TTC24: variants seen among roughly 807,000 people sequenced by gnomAD.
TTC24 encodes the protein tetratricopeptide repeat protein 24.
In TTC24, 54 loss-of-function variants were observed where a neutral mutation model predicts 63.3. The ratio of observed to expected loss-of-function variants is 0.85; its 90% CI spans 0.69 to 1.07. The LOEUF (loss-of-function observed/expected upper bound fraction) is 1.07, where lower values mean the gene tolerates loss of function less well. Ranked by LOEUF, TTC24 falls within the 50% of genes least tolerant of loss-of-function variation. The pLI, the probability that TTC24 is intolerant of heterozygous loss-of-function variation, is 0.00. For missense variants in TTC24, 680 were observed against 730.5 expected, an observed-to-expected ratio of 0.93 and a Z score of 0.80; for synonymous variants, 276 against 304.3, an observed-to-expected ratio of 0.91 and a Z score of 0.97.
Position 156,583,829 on chromosome 1 carries a change from G to A in TTC24, c.1185G>A (p.Val395=), listed in dbSNP as rs367725434. 3.8e-6 allele frequency: 6 copies of A among 1,582,944 alleles called. No homozygotes were observed. In the African/African-American group the frequency reaches 6.8e-5, roughly 18 times the overall value. The change falls in exon 6 of 11, where the codon GTG becomes GTA. Residue 395 remains valine, a synonymous_variant. Coordinates refer to ENST00000368236, the MANE Select transcript of TTC24 (RefSeq NM_001105669.4). This position sits in a 1 kb window ranked among gnomAD's most constrained non-coding sequence, Gnocchi z 4.0. The part of the protein sequence containing the change: ...KEPDSVRERL[V]AKLADTVRTR... ...CAGATTCTGTGCGAGAACGGCTGGT[G>A]GCCAAGCTGGCAGACACCGTGAGGA...
In TTC24 at chr1:156,579,767, T is replaced by C. The variant is rs955951086; in HGVS notation, c.-5+9T>C. 6.6e-6 allele frequency: 1 copy of C among 152,106 alleles called. No homozygotes were observed. Among genetic ancestry groups the C allele is most frequent in the Non-Finnish European group, 1.5e-5 (1 of 68,050 alleles). The allele number at this position is 152,106 out of a possible 1,614,324, so 9.4% of individuals were successfully genotyped here. The stretch of plus-strand genomic sequence containing the variant: ...GGAGAAGACCCAAGGAGGTAAGGTG[T>C]CCTGCAGTGGGGATCCCCACACTGG... On this transcript the variant is annotated intron_variant, in intron 1 of 10. Transcript: ENST00000368236.
chr1:156,585,995 C>A lies in TTC24; in HGVS notation c.1617C>A (p.Pro539=), dbSNP rs573000717. Residue 539 remains proline (P), a synonymous_variant, in exon 10 of 11, where the codon CCC becomes CCA. Transcript: ENST00000368236. Reference sequence around the variant, plus strand: ...TTCCATTTGTAGGTCCAGGCCCTCCCAGAGCGGAGTACCCTAGCATCTTGG... The same window carrying A: ...TTCCATTTGTAGGTCCAGGCCCTCCAAGAGCGGAGTACCCTAGCATCTTGG... ...AHLPFVGPGP[P]RAEYPSILVP... is the part of the protein sequence containing the mutation. 4 of 1,591,238 alleles carry A rather than the reference C, an allele frequency of 2.5e-6. No individual in the cohort carries two copies. In the South Asian group the frequency reaches 4.5e-5, roughly 18 times the overall value.
Position 156,586,928 on chromosome 1 carries a change from A to T in TTC24, c.*378A>T, listed in dbSNP as rs931674408. Among the ~76,000 whole-genome samples the T allele has an allele frequency of 6.6e-6, 1 of 152,198 alleles. No homozygotes were observed. The highest frequency in any genetic ancestry group is 6.5e-5 in the Admixed American group (1 of 15,276). ...CGTCCATTTTTGCACATGAGAAATG[A>T]GGATATAATACTACAGAAGAGGCAT... On this transcript the variant is annotated 3_prime_UTR_variant, in exon 11 of 11. Coordinates refer to ENST00000368236, the MANE Select transcript of TTC24 (RefSeq NM_001105669.4).
chr1:156,584,638 G>A (rs1166950288), intron 6 of TTC24: 2 of 390,674 alleles, frequency 5.1e-6, no homozygotes, highest in African/African-American at 4.1e-5. Context: ...GGCCCCAGAA[G>A]GGATGGGGTG....
chr1:156,583,166 C>A lies in TTC24; in HGVS notation c.1035C>A (p.Asp345Glu). Reference sequence around the variant, plus strand: ...TGCATGCCCTGCAGGCTGCCCGGGACTCTGGTAAGCGTGAGAGGGTTGGGA... The same window carrying A: ...TGCATGCCCTGCAGGCTGCCCGGGAATCTGGTAAGCGTGAGAGGGTTGGGA... ...NYLHALQAARDSGDMKGQWQA... is the reference protein window; with the variant it reads ...NYLHALQAARESGDMKGQWQA... Residue 345 changes from aspartate to glutamate, a missense_variant, in exon 4 of 11, where the codon GAC (aspartate) becomes GAA (glutamate). Physicochemically the swap from Asp to Glu is conservative, Grantham distance 45. Transcript: ENST00000368236. The surrounding 1 kb of genome is among the most constrained non-coding windows in gnomAD (Gnocchi z 4.0). 1 of 1,611,554 alleles carries A rather than the reference C, an allele frequency of 6.2e-7. No homozygotes were observed. Among genetic ancestry groups the A allele is most frequent in the Non-Finnish European group, 8.5e-7 (1 of 1,178,868 alleles).
At position 156,583,005 on chromosome 1, in the gene TTC24, G is replaced by C. The variant is rs1380995559; in HGVS notation, c.911-37G>C. On this transcript the variant is annotated intron_variant, in intron 3 of 10. Coordinates refer to ENST00000368236, the MANE Select transcript of TTC24 (RefSeq NM_001105669.4). The surrounding 1 kb of genome is among the most constrained non-coding windows in gnomAD (Gnocchi z 4.0). ...TGGGGTCCTGATGTCCCAGCAGCCA[G>C]AGTCCCCTCTGAGGATGGGGTGGGC... 1.3e-6 allele frequency: 2 copies of C among 1,579,846 alleles called. No individual in the cohort carries two copies. The highest frequency in any genetic ancestry group is 1.8e-5 in the Admixed American group (1 of 55,286).
chr1:156,586,060 G>T lies in TTC24; in HGVS notation c.1667+15G>T, dbSNP rs1677151521. 1 of 1,526,092 alleles carries T rather than the reference G, an allele frequency of 6.6e-7. No homozygotes were observed. Among genetic ancestry groups the T allele is most frequent in the Non-Finnish European group, 8.9e-7 (1 of 1,120,900 alleles). The allele number at this position is 1,526,092 out of a possible 1,614,324, so 94.5% of individuals were successfully genotyped here. ...CAAGCCAATAGGTGGGTCCTTGGGG[G>T]AAAGAAGGAGGCCTGGAGAATAGCA... On this transcript the variant is annotated intron_variant, in intron 10 of 10. Transcript: ENST00000368236.
At position 156,583,251 on chromosome 1, in the gene TTC24, G is replaced by A; in HGVS notation, c.1039+81G>A. 1 of 1,609,368 alleles carries A rather than the reference G, an allele frequency of 6.2e-7. No homozygotes were observed. Among genetic ancestry groups the A allele is most frequent in the Non-Finnish European group, 8.5e-7 (1 of 1,178,052 alleles). On this transcript the variant is annotated intron_variant, in intron 4 of 10. Transcript: ENST00000368236. The surrounding 1 kb of genome is among the most constrained non-coding windows in gnomAD (Gnocchi z 4.0). Reference sequence around the variant, plus strand: ...GGGGCTGGCGGGGAGGCAGATGGGGGGAACTGAGGGTAGGGAGTGCCTCTG... The same window carrying A: ...GGGGCTGGCGGGGAGGCAGATGGGGAGAACTGAGGGTAGGGAGTGCCTCTG...
chr1:156,584,978 A>T lies in TTC24; in HGVS notation c.1349+4A>T. 6.3e-7 allele frequency: 1 copy of T among 1,588,708 alleles called. No individual in the cohort carries two copies. Among genetic ancestry groups the T allele is most frequent in the Non-Finnish European group, 8.6e-7 (1 of 1,167,488 alleles). On this transcript the variant is annotated splice_donor_region_variant and intron_variant, in intron 7 of 10. Coordinates refer to ENST00000368236, the MANE Select transcript of TTC24 (RefSeq NM_001105669.4). ...GCACAGCAGGTGTCCAGCACAGGTG[A>T]GGGTGGGAATGGTGCAGCAGAGATG...
intron 1 of TTC24, 44 bp downstream of exon 1, chr1:156,579,802 G>C (rs1676945978): frequency 6.6e-6 from 1 of 152,208 alleles, no homozygotes; most frequent in African/African-American, 2.4e-5. Flanking sequence ...GATGGGGGTG[G>C]TCAGGAATGC....
At chr1:156,586,247 G>A (rs1271651608) in intron 10 of TTC24, among the ~76,000 whole-genome samples, 2 of 152,180 alleles carry the variant, frequency 1.3e-5, no homozygotes, top group African/African-American at 2.4e-5. Flanking sequence ...TGGAAGCCCA[G>A]GGTATGCCCT....
At chr1:156,582,953 G>A in intron 3 of TTC24, 89 bp from the exon 4 acceptor site, 1 of 1,498,070 alleles carries the variant, frequency 6.7e-7, no homozygotes, top group Non-Finnish European at 9.0e-7. Flanking sequence ...CAGGCCTCCT[G>A]GGAGGTCTGT....
chr1:156,582,929 C>A, intron 3 of TTC24, 113 bp from the exon 4 acceptor site: 1 of 1,382,026 alleles, frequency 7.2e-7, no homozygotes, highest in African/African-American at 1.4e-5. Flanking sequence ...CTGGAGTGTT[C>A]TGGGGCTGGG....
Position 156,583,999 on chromosome 1 carries a change from G to C in TTC24, c.1251+104G>C. On this transcript the variant is annotated intron_variant, in intron 6 of 10. Coordinates refer to ENST00000368236, the MANE Select transcript of TTC24 (RefSeq NM_001105669.4). This position sits in a 1 kb window ranked among gnomAD's most constrained non-coding sequence, Gnocchi z 4.0. ...TGTTCCCTGGGATGCTGCGCGCTTG[G>C]CCGCTCATCTGTGTTCATCCGCCTT... is the stretch of plus-strand genomic sequence containing the variant. 1.0e-6 allele frequency: 1 copy of C among 963,024 alleles called. No individual in the cohort carries two copies. Among genetic ancestry groups the C allele is most frequent in the Non-Finnish European group, 1.6e-6 (1 of 621,708 alleles). The allele number at this position is 963,024 out of a possible 1,614,324, so 59.7% of individuals were successfully genotyped here. A position where few individuals can be genotyped will look rare whatever the true frequency, so the allele number is the denominator to read the frequency against.
intron 1 of TTC24, 145 bp downstream of exon 1, chr1:156,579,903 C>T (rs1328157896): frequency 6.6e-6 from 1 of 152,130 alleles, no homozygotes. Flanking sequence ...TTTCCTCTGC[C>T]TGCCCCTCCT....
Position 156,584,652 on chromosome 1 carries a change from A to T in TTC24, c.1252-225A>T, listed in dbSNP as rs184180218. On this transcript the variant is annotated intron_variant, in intron 6 of 10. Transcript: ENST00000368236. Reference sequence around the variant, plus strand: ...AGGCCCCAGAAGGGATGGGGTGGTCATCAGGCGCTGGCCAGGTCTGCTAGT... The same window carrying T: ...AGGCCCCAGAAGGGATGGGGTGGTCTTCAGGCGCTGGCCAGGTCTGCTAGT... The T allele has an allele frequency of 2.7e-5, 11 of 400,666 alleles. No individual in the cohort carries two copies. The Admixed American group carries it at 4.7e-4, about 17-fold the overall frequency. 24.8% of individuals were successfully genotyped at this position (400,666 alleles called of 1,614,324 possible).
rs1677202697 is a variant in TTC24, at chr1:156,587,281, A to T, written c.*731A>T. Among the ~76,000 whole-genome samples, 1 of 152,172 alleles carries T rather than the reference A, an allele frequency of 6.6e-6. No individual in the cohort carries two copies. Among genetic ancestry groups the T allele is most frequent in the Non-Finnish European group, 1.5e-5 (1 of 68,048 alleles). The stretch of plus-strand genomic sequence containing the variant: ...TTCTCCTCTAATCCTCACAACAAAT[A>T]TATGAGGTGCTATTATCCCCTTTCG... On this transcript the variant is annotated 3_prime_UTR_variant, in exon 11 of 11. Transcript: ENST00000368236.
chr1:156,585,126 T>A lies in TTC24; in HGVS notation c.1351T>A (p.Ser451Thr). The A allele has an allele frequency of 6.2e-7, 1 of 1,610,148 alleles. No homozygotes were observed. ...TGCCCTGGTTCCTTGCCCCTACAGA[T>A]CTTCCAGTGGGTGGGAAGATGAAGA... ...GSSTAGVQHR[S>T]SSGWEDEEFE... The change falls in exon 8 of 11, where the codon TCT becomes ACT. Residue 451 changes from serine to threonine, a missense_variant and splice_region_variant. Coordinates refer to ENST00000368236, the MANE Select transcript of TTC24 (RefSeq NM_001105669.4).
At position 156,585,983 on chromosome 1, in the gene TTC24, T is replaced by A. The variant is rs751520831; in HGVS notation, c.1605T>A (p.Gly535=). The change falls in exon 10 of 11, where the codon GGT becomes GGA. Residue 535 remains glycine (G), a synonymous_variant. Coordinates refer to ENST00000368236, the MANE Select transcript of TTC24 (RefSeq NM_001105669.4). The part of the protein sequence containing the change: ...PGPRAHLPFV[G]PGPPRAEYPS... Reference sequence around the variant, plus strand: ...CCAGGGCCCATCTTCCATTTGTAGGTCCAGGCCCTCCCAGAGCGGAGTACC... The same window carrying A: ...CCAGGGCCCATCTTCCATTTGTAGGACCAGGCCCTCCCAGAGCGGAGTACC... 3.1e-6 allele frequency: 5 copies of A among 1,594,862 alleles called. No homozygotes were observed. The highest frequency in any genetic ancestry group is 1.3e-5 in the African/African-American group (1 of 74,424).
Sources: gnomAD v4.1 joint callset for allele counts (sites outside exome capture counted in the v4.1 genomes callset) on GRCh38, gnomAD v4.1.1 for gene constraint, Gnocchi (gnomAD v3.1) non-coding constraint, MANE v1.5 for transcripts, NCBI Gene and HGNC (gene_info 2026-07-23, HGNC 2026-07-21) for gene names.